WDR4: variants seen among roughly 807,000 people sequenced by gnomAD.
The protein encoded by WDR4 is tRNA (guanine-N(7)-)-methyltransferase non-catalytic subunit WDR4.
WDR4 carries 47 observed loss-of-function variants against 48.6 expected under a neutral mutation model. That is an observed-to-expected ratio of 0.97 (90% confidence interval 0.77 to 1.23). WDR4 has a LOEUF of 1.23. WDR4 is among the 50% of genes most tolerant of loss of function. The probability of loss-of-function intolerance (pLI) is 0.00; values close to 1 mark genes in which losing one functional copy is unlikely to be tolerated. For missense variants in WDR4, 606 were observed against 551.6 expected, an observed-to-expected ratio of 1.10 and a Z score of -0.99; for synonymous variants, 268 against 230.0, an observed-to-expected ratio of 1.17 and a Z score of -1.49.
At chr21:42,848,814 A>G (rs1271532525), downstream of WDR4, among the ~76,000 whole-genome samples, 3 of 42,120 alleles carry the variant, frequency 7.1e-5, no homozygotes, top group East Asian at 5.9e-4. Flanking sequence ...CTCACACAGC[A>G]CACGATCACG....
At chr21:42,870,013 C>CA (rs35193980) in intron 3 of WDR4, among the ~76,000 whole-genome samples, 33,140 of 124,828 alleles carry the variant, frequency 0.27, 4,100 homozygotes, top group Non-Finnish European at 0.3. Flanking sequence ...AACTCCATCT[C>CA]AAAAAAAAAA....
intron 1 of WDR4, among the ~76,000 whole-genome samples, chr21:42,877,191 T>C (rs988370949): frequency 8.5e-5 from 12 of 140,620 alleles, no homozygotes; most frequent in Non-Finnish European, 1.5e-4. Flanking sequence ...TCACTCAGGC[T>C]GGAGTGCAAG....
At chr21:42,869,967 C>G (rs1037971563) in intron 3 of WDR4, among the ~76,000 whole-genome samples, 1 of 147,754 alleles carries the variant, frequency 6.8e-6, no homozygotes, top group African/African-American at 2.5e-5. Context: ...GAGCCTAGAT[C>G]GTGCCATTGC....
chr21:42,869,349 C>T (rs2058317506), intron 3 of WDR4, among the ~76,000 whole-genome samples: 1 of 152,230 alleles, frequency 6.6e-6, no homozygotes, highest in Non-Finnish European at 1.5e-5. Context: ...CCCACACACT[C>T]CACTGTTGTC....
At chr21:42,874,795 G>A (rs1343441423) in intron 2 of WDR4, among the ~76,000 whole-genome samples, 1 of 152,104 alleles carries the variant, frequency 6.6e-6, no homozygotes, top group African/African-American at 2.4e-5. Flanking sequence ...TGACAGTGGT[G>A]CCCGAAACTT....
upstream of WDR4, among the ~76,000 whole-genome samples, chr21:42,880,584 TC>T (rs1413533338): frequency 6.6e-6 from 1 of 152,226 alleles, no homozygotes; most frequent in African/African-American, 2.4e-5. Context: ...GAAGATGTTT[TC>T]AGGCCCTACA....
chr21:42,860,979 C>T (rs1224923242), intron 5 of WDR4, among the ~76,000 whole-genome samples: 1 of 152,106 alleles, frequency 6.6e-6, no homozygotes, highest in Non-Finnish European at 1.5e-5. Context: ...ACAGGGGCCA[C>T]GGGGCTTTGT....
intron 3 of WDR4, among the ~76,000 whole-genome samples, chr21:42,868,751 C>G (rs751557447): frequency 6.6e-6 from 1 of 152,248 alleles, no homozygotes; most frequent in Admixed American, 6.5e-5. Flanking sequence ...CAGCCACCCC[C>G]ACAGCATGTG....
At chr21:42,848,117 T>C (rs2057726730), downstream of WDR4, among the ~76,000 whole-genome samples, 1 of 152,204 alleles carries the variant, frequency 6.6e-6, no homozygotes, top group Non-Finnish European at 1.5e-5. Flanking sequence ...GCATTCCAGC[T>C]TTTGATACAC....
chr21:42,855,255 A>C (rs1450013182), intron 7 of WDR4, among the ~76,000 whole-genome samples: 1 of 152,180 alleles, frequency 6.6e-6, no homozygotes, highest in Non-Finnish European at 1.5e-5. Context: ...GCCACACCAC[A>C]CAGTTCTCTA....
chr21:42,892,131 G>A, the WDR4 span, among the ~76,000 whole-genome samples: 1 of 151,750 alleles, frequency 6.6e-6, no homozygotes, highest in African/African-American at 2.4e-5. Context: ...GCGGGTGCCT[G>A]TAGTCCCAGC....
chr21:42,852,728 C>G (rs2057866946), intron 9 of WDR4, among the ~76,000 whole-genome samples: 1 of 152,146 alleles, frequency 6.6e-6, no homozygotes, highest in Non-Finnish European at 1.5e-5. Context: ...CCAGCCTGAC[C>G]AACATGGAGA....
downstream of WDR4, among the ~76,000 whole-genome samples, chr21:42,847,647 G>A (rs564014201): frequency 1.1e-3 from 163 of 152,340 alleles, no homozygotes; most frequent in African/African-American, 3.8e-3. Flanking sequence ...ATAAGACATG[G>A]ACAGACAGGC....
Position 42,873,661 on chromosome 21 carries a change from A to G in WDR4, c.186T>C (p.Gly62=). 2.5e-6 allele frequency: 4 copies of G among 1,614,130 alleles called. No homozygotes were observed. Among genetic ancestry groups the G allele is most frequent in the Non-Finnish European group, 3.4e-6 (4 of 1,180,016 alleles). ...TGGAGAAGGTGGACGCCAGAATCGCACCGCTCCCCTGGTCCAAGGGCGCGT... is the reference window on the plus strand; with the variant it reads ...TGGAGAAGGTGGACGCCAGAATCGCGCCGCTCCCCTGGTCCAAGGGCGCGT... ...GEDAPLDQGS[G]AILASTFSKS... Residue 62 remains glycine (G), a synonymous_variant, in exon 3 of 11, where the codon GGT becomes GGC. Transcript: ENST00000398208.
At chr21:42,868,889 C>T (rs2058308428) in intron 3 of WDR4, among the ~76,000 whole-genome samples, 1 of 152,228 alleles carries the variant, frequency 6.6e-6, no homozygotes, top group African/African-American at 2.4e-5. Flanking sequence ...GCTCAAACTT[C>T]CCGAAGTTTA....
downstream of WDR4, among the ~76,000 whole-genome samples, chr21:42,848,318 A>G (rs2057728986): frequency 6.9e-6 from 1 of 145,138 alleles, no homozygotes; most frequent in South Asian, 2.2e-4. Flanking sequence ...ACTCACATGC[A>G]GCGCACGGTC....
the WDR4 span, among the ~76,000 whole-genome samples, chr21:42,888,905 C>T: frequency 6.0e-5 from 9 of 150,874 alleles, no homozygotes; most frequent in Non-Finnish European, 3.0e-5. Flanking sequence ...GGTTTCACCA[C>T]GTTGGCCAGG....
At chr21:42,866,606 A>G (rs1267379885) in intron 3 of WDR4, among the ~76,000 whole-genome samples, 1 of 152,160 alleles carries the variant, frequency 6.6e-6, no homozygotes, top group African/African-American at 2.4e-5. Context: ...GACCAGCCAC[A>G]GGGTGCTGCC....
Position 42,852,292 on chromosome 21 carries a change from G to A in WDR4, c.1008C>T (p.Val336=), listed in dbSNP as rs1226482741. The A allele has an allele frequency of 6.2e-7, 1 of 1,614,206 alleles. No individual in the cohort carries two copies. Among genetic ancestry groups the A allele is most frequent in the Admixed American group, 1.7e-5 (1 of 60,022 alleles). The part of the protein sequence containing the change: ...SVPESTVLKK[V]SGVLRGNWAM... ...CCCAGTTCCCACGAAGAACACCAGA[G>A]ACTTTCTTTAACACGGTGCTCTCAG... is the stretch of plus-strand genomic sequence containing the variant. Residue 336 remains valine, a synonymous_variant, in exon 10 of 11, where the codon GTC becomes GTT. Coordinates refer to ENST00000398208, the MANE Select transcript of WDR4 (RefSeq NM_018669.6).
Sources: allele counts gnomAD v4.1 joint callset (sites outside exome capture counted in the v4.1 genomes callset), GRCh38; gene constraint gnomAD v4.1.1; transcripts MANE v1.5; gene names NCBI Gene and HGNC (gene_info 2026-07-23, HGNC 2026-07-21).